The following ATG16L2 variants were observed in gnomAD, a reference collection of about 807,000 sequenced individuals.
ATG16L2 encodes the protein autophagy related 16 like 2.
Under a neutral mutation model 84.7 loss-of-function variants are expected in ATG16L2, and 77 were observed. The observed-to-expected ratio is 0.91, with a 90% CI of 0.76 to 1.10. ATG16L2 has a LOEUF of 1.10. Ranked by LOEUF, ATG16L2 falls within the 50% of genes least tolerant of loss-of-function variation. The probability of loss-of-function intolerance (pLI) is 0.00; values close to 1 mark genes in which losing one functional copy is unlikely to be tolerated. For synonymous variants in ATG16L2, 361 were observed against 342.8 expected (o/e 1.05, Z -0.59); for missense variants, 782 against 817.6 (o/e 0.96, Z 0.53).
At chr11:72,821,011 G>A (rs1330630969) in intron 3 of ATG16L2, among the ~76,000 whole-genome samples, 1 of 152,176 alleles carries the variant, frequency 6.6e-6, no homozygotes, top group Non-Finnish European at 1.5e-5. Context: ...GCTGAGACCT[G>A]TGCTTGGGCA....
At chr11:72,819,598 G>A (rs762949035) in intron 3 of ATG16L2, among the ~76,000 whole-genome samples, 1 of 152,096 alleles carries the variant, frequency 6.6e-6, no homozygotes, top group African/African-American at 2.4e-5. Context: ...GGCTCTTGTC[G>A]CATTTCCTGC....
chr11:72,840,955 T>G (rs1860908898), intron 5 of ATG16L2: 5 of 1,611,994 alleles, frequency 3.1e-6, no homozygotes, highest in Non-Finnish European at 4.2e-6. Context: ...CATGAAGGCT[T>G]TTTTCTAAGG....
rs780840366 is a variant in ATG16L2 at position 72,827,276 on chromosome 11, C to G, written c.1455C>G (p.Ile485Met). Residue 485 changes from isoleucine to methionine, a missense_variant, in exon 14 of 18, where the codon ATC (isoleucine) becomes ATG (methionine). Transcript: ENST00000321297. Reference sequence around the variant, plus strand: ...TTAGTGGCCACAATGACCAGAAGATCCGGTTCTGGGACAGCAGGTGACAGG... The same window carrying G: ...TTAGTGGCCACAATGACCAGAAGATGCGGTTCTGGGACAGCAGGTGACAGG... ...IIISGHNDQKIRFWDSRGPHC... is the reference protein window; with the variant it reads ...IIISGHNDQKMRFWDSRGPHC... 1.4e-5 allele frequency: 23 copies of G among 1,613,790 alleles called. No homozygotes were observed. Among genetic ancestry groups the G allele is most frequent in the South Asian group, 3.3e-5 (3 of 91,062 alleles).
chr11:72,831,286 C>T (rs377221319), downstream of ATG16L2, among the ~76,000 whole-genome samples: 1 of 152,240 alleles, frequency 6.6e-6, no homozygotes, highest in East Asian at 1.9e-4. Context: ...GAGGGCAGAT[C>T]ACCTGAGGTC....
chr11:72,820,069 C>A (rs1859907118), intron 3 of ATG16L2: 1 of 152,106 alleles, frequency 6.6e-6, no homozygotes, highest in African/African-American at 2.4e-5. Flanking sequence ...GTAAAAATTT[C>A]TCTAGTAGTT....
intron 5 of ATG16L2, among the ~76,000 whole-genome samples, chr11:72,839,047 G>A (rs1860821903): frequency 6.6e-6 from 1 of 152,202 alleles, no homozygotes; most frequent in Middle Eastern, 3.2e-3. Flanking sequence ...CTGAGAAGCA[G>A]TTGTTCTCAA....
At position 72,824,854 on chromosome 11, in the gene ATG16L2, G is replaced by C. The variant is rs567745371; in HGVS notation, c.996+12G>C. The C allele has an allele frequency of 4.5e-6, 7 of 1,571,126 alleles. No homozygotes were observed. The East Asian group carries it at 1.6e-4, about 36-fold the overall frequency. On this transcript the variant is annotated intron_variant, in intron 9 of 17. Transcript: ENST00000321297. Reference sequence around the variant, plus strand: ...CTCAGGATGTGCTGGTAAGGGAGGAGCTGAGCCACATGGGTGGGGCAGTGG... The same window carrying C: ...CTCAGGATGTGCTGGTAAGGGAGGACCTGAGCCACATGGGTGGGGCAGTGG...
Position 72,822,145 on chromosome 11 carries a change from C to G in ATG16L2, c.494C>G (p.Ala165Gly). ...CGGGCGCAGAATGCGGTGCAGCGGG[C>G]AGCCTACGAGGCGCTGCGCGCGCAC... ...EWRAQNAVQR[A>G]AYEALRAHVG... The change falls in exon 5 of 18, where the codon GCA (alanine) becomes GGA (glycine). Residue 165 changes from alanine (A) to glycine (G), a missense_variant. Physicochemically the swap from Ala to Gly is moderately conservative, Grantham distance 60 (BLOSUM62 0). Coordinates refer to ENST00000321297, the MANE Select transcript of ATG16L2 (RefSeq NM_033388.2). The surrounding 1 kb of genome is among the most constrained non-coding windows in gnomAD (Gnocchi z 4.2). 1 of 1,499,684 alleles carries G rather than the reference C, an allele frequency of 6.7e-7. No individual in the cohort carries two copies. Among genetic ancestry groups the G allele is most frequent in the Non-Finnish European group, 8.8e-7 (1 of 1,134,112 alleles). 92.9% of individuals were successfully genotyped at this position (1,499,684 alleles called of 1,614,324 possible).
Position 72,822,226 on chromosome 11 carries a change from T to A in ATG16L2, c.575T>A (p.Leu192Gln). Residue 192 changes from leucine to glutamine, a missense_variant, in exon 5 of 18, where the codon CTG becomes CAG. Leu to Gln is a moderately radical substitution (Grantham distance 113). Coordinates refer to ENST00000321297, the MANE Select transcript of ATG16L2 (RefSeq NM_033388.2). This position sits in a 1 kb window ranked among gnomAD's most constrained non-coding sequence, Gnocchi z 4.2. The part of the protein sequence containing the change: ...RRLQEEARDL[L>Q]ERLVQRKARA... ...CTCCAGGAAGAGGCGCGCGACCTGC[T>A]GGAGAGGCTCGTGCAGCGCAAGGCG... The A allele has an allele frequency of 6.6e-7, 1 of 1,505,094 alleles. No homozygotes were observed. The allele number at this position is 1,505,094 out of a possible 1,614,324, so 93.2% of individuals were successfully genotyped here. A position where few individuals can be genotyped will look rare whatever the true frequency, so the allele number is the denominator to read the frequency against.
chr11:72,831,493 G>A (rs1860605313), downstream of ATG16L2, among the ~76,000 whole-genome samples: 1 of 152,180 alleles, frequency 6.6e-6, no homozygotes, highest in Non-Finnish European at 1.5e-5. Context: ...CAACGAGAGT[G>A]AAACTCCATC....
chr11:72,826,054 C>T, intron 10 of ATG16L2, 119 bp from the exon 11 acceptor site: 1 of 813,516 alleles, frequency 1.2e-6, no homozygotes, highest in South Asian at 1.7e-5. Flanking sequence ...ATTCTGTCTT[C>T]TAACCTGGGG....
intron 13 of ATG16L2, 150 bp from the exon 14 acceptor site, chr11:72,827,038 C>G: frequency 1.2e-6 from 1 of 826,518 alleles, no homozygotes; most frequent in Non-Finnish European, 1.9e-6. Context: ...AGGAAAAAGA[C>G]GTGGGTGAGC....
Position 72,822,426 on chromosome 11 carries a change from C to G in ATG16L2, c.645-52C>G. 2 of 1,611,092 alleles carry G rather than the reference C, an allele frequency of 1.2e-6. No individual in the cohort carries two copies. The highest frequency in any genetic ancestry group is 1.7e-6 in the Non-Finnish European group (2 of 1,178,614). On this transcript the variant is annotated intron_variant, in intron 5 of 17. Coordinates refer to ENST00000321297, the MANE Select transcript of ATG16L2 (RefSeq NM_033388.2). This position sits in a 1 kb window ranked among gnomAD's most constrained non-coding sequence, Gnocchi z 4.2. ...GAGGAAGGGACCGGGTCTAGCCCCGCCTGCGTGCGAGGCGCCGCGCCAGGG... is the reference window on the plus strand; with the variant it reads ...GAGGAAGGGACCGGGTCTAGCCCCGGCTGCGTGCGAGGCGCCGCGCCAGGG...
Position 72,841,288 on chromosome 11 carries a change from G to A in ATG16L2, c.*22-1329G>A, listed in dbSNP as rs116210010. 0.011 allele frequency among the ~76,000 whole-genome samples: 1,347 copies of A among 126,784 alleles called. 23 individuals carry two copies. Among genetic ancestry groups the A allele is most frequent in the African/African-American group, 0.038 (1,232 of 32,608 alleles). The allele number at this position is 126,784 out of a possible 152,430, so 83.2% of individuals were successfully genotyped here. ...ATTGGTTGCTATGAGCCGTGATCAT[G>A]CCACTGAACTCCAGCCTGGGTGTCC... is the stretch of plus-strand genomic sequence containing the variant. On this transcript the variant is annotated intron_variant, in intron 5 of 5. Transcript: ENST00000534905.
chr11:72,816,703 AGGCTCACTC>A lies in ATG16L2; in HGVS notation c.119-24_119-16del, dbSNP rs763337491. ...GCTGCTGGGTATCTGTCTCTGCCCC[AGGCTCACTC>A]TCTTGCACTCTCCAGATAACCATCT... On this transcript the variant is annotated splice_polypyrimidine_tract_variant and intron_variant, in intron 1 of 17. Transcript: ENST00000321297. 6.3e-7 allele frequency: 1 copy of A among 1,589,424 alleles called. No individual in the cohort carries two copies. The highest frequency in any genetic ancestry group is 1.3e-5 in the African/African-American group (1 of 74,410).
chr11:72,836,040 G>A (rs183147361), intron 5 of ATG16L2, among the ~76,000 whole-genome samples: 5 of 152,328 alleles, frequency 3.3e-5, no homozygotes, highest in Admixed American at 3.3e-4. Flanking sequence ...GAGCCACTGC[G>A]CCCGGCTGAA....
At chr11:72,831,084 C>A (rs1237018041), downstream of ATG16L2, among the ~76,000 whole-genome samples, 1 of 152,228 alleles carries the variant, frequency 6.6e-6, no homozygotes, top group Non-Finnish European at 1.5e-5. Context: ...CCTGAGCTCC[C>A]CTTTTGTATC....
At chr11:72,824,011 TAC>T (rs1251228248) in intron 7 of ATG16L2, 47 bp from the exon 8 acceptor site, 1 of 1,606,022 alleles carries the variant, frequency 6.2e-7, no homozygotes, top group African/African-American at 1.3e-5. Context: ...CAGCCATTTG[TAC>T]ACACACCAGC....
chr11:72,817,757 G>A lies in ATG16L2; in HGVS notation c.220G>A (p.Glu74Lys), dbSNP rs1190356665. The A allele has an allele frequency of 6.2e-7, 1 of 1,613,666 alleles. No homozygotes were observed. The highest frequency in any genetic ancestry group is 2.2e-5 in the East Asian group (1 of 44,882). Residue 74 changes from glutamate to lysine, a missense_variant and splice_region_variant, in exon 3 of 18, where the codon GAG becomes AAG. Physicochemically the swap from Glu to Lys is moderately conservative, Grantham distance 56. Coordinates refer to ENST00000321297, the MANE Select transcript of ATG16L2 (RefSeq NM_033388.2). Reference sequence around the variant, plus strand: ...AGCACCACTCTGATTGGTTGGCAGGGAGGAGTCAGAGCTTGACTCAGACCA... The same window carrying A: ...AGCACCACTCTGATTGGTTGGCAGGAAGGAGTCAGAGCTTGACTCAGACCA... ...VTPTTHQGPW[E>K]ESELDSDQVP...
Sources: gnomAD v4.1 joint callset for allele counts (sites outside exome capture counted in the v4.1 genomes callset) on GRCh38, gnomAD v4.1.1 for gene constraint, Gnocchi (gnomAD v3.1) non-coding constraint, MANE v1.5 for transcripts, NCBI Gene and HGNC (gene_info 2026-07-23, HGNC 2026-07-21) for gene names.